The following TRIM2 variants were observed in gnomAD, a reference collection of about 807,000 sequenced individuals.
TRIM2 encodes the protein tripartite motif-containing protein 2.
A neutral mutation model predicts 75.2 loss-of-function variants in TRIM2; 20 were observed. The ratio of observed to expected loss-of-function variants is 0.27; its 90% CI spans 0.19 to 0.39. The LOEUF (loss-of-function observed/expected upper bound fraction) is 0.39, where lower values mean the gene tolerates loss of function less well. Among genes scored for constraint, TRIM2 ranks in the 10% least tolerant of loss-of-function variants. The probability of loss-of-function intolerance (pLI) is 1.00; values close to 1 mark genes in which losing one functional copy is unlikely to be tolerated. For synonymous variants in TRIM2, 373 were observed against 388.3 expected (o/e 0.96, Z 0.46); for missense variants, 660 against 990.8 (o/e 0.67, Z 4.48).
chr4:153,296,370 C>G (rs1762769166), intron 6 of TRIM2, among the ~76,000 whole-genome samples: 1 of 152,186 alleles, frequency 6.6e-6, no homozygotes, highest in Non-Finnish European at 1.5e-5. Context: ...CACCCGTAAT[C>G]TGAAAATCTT....
At chr4:153,334,621 G>T (rs1425480616) in intron 11 of TRIM2, among the ~76,000 whole-genome samples, 193 bp from the exon 12 acceptor site, 2 of 152,086 alleles carry the variant, frequency 1.3e-5, no homozygotes, top group Non-Finnish European at 2.9e-5. Flanking sequence ...CAGGAGAATC[G>T]CTTGAGCCTA....
chr4:153,271,522 ATTTGTTACTAGTAGTTGTGGCTTT>A (rs1756663239), intron 2 of TRIM2, among the ~76,000 whole-genome samples: 1 of 152,058 alleles, frequency 6.6e-6, no homozygotes, highest in Non-Finnish European at 1.5e-5. Flanking sequence ...GAGAAGGTAG[ATTTGTTACTAGTAGTTGTGGCTTT>A]TTTGTTTGTT....
intron 1 of TRIM2, among the ~76,000 whole-genome samples, chr4:153,228,046 C>G (rs370494518): frequency 6.6e-6 from 1 of 152,134 alleles, no homozygotes; most frequent in Admixed American, 6.5e-5. Context: ...ACCTCTTATG[C>G]GAAGTAAACA....
At position 153,320,350 on chromosome 4, in the gene TRIM2, C is replaced by G. The variant is rs77676380; in HGVS notation, c.1783-2298C>G. 3.0e-3 allele frequency among the ~76,000 whole-genome samples: 457 copies of G among 152,280 alleles called. 1 individual carries two copies. The highest frequency in any genetic ancestry group is 0.01 in the African/African-American group (430 of 41,548). On this transcript the variant is annotated intron_variant, in intron 8 of 11. Coordinates refer to ENST00000338700, the MANE Select transcript of TRIM2 (RefSeq NM_015271.5). The stretch of plus-strand genomic sequence containing the variant: ...AGGAGCATATAAAGTCTAAAGTCCC[C>G]ATCATGCAAAGTCCCATCCTGCTAC...
At chr4:153,229,592 T>C (rs1743069599) in intron 1 of TRIM2, among the ~76,000 whole-genome samples, 1 of 152,168 alleles carries the variant, frequency 6.6e-6, no homozygotes, top group Admixed American at 6.5e-5. Context: ...CTACTAGAAA[T>C]CAAATTCATT....
intron 1 of TRIM2, among the ~76,000 whole-genome samples, chr4:153,238,919 A>G (rs1465428303): frequency 2.0e-5 from 3 of 152,140 alleles, no homozygotes; most frequent in Non-Finnish European, 2.9e-5. Flanking sequence ...AATCCCCCCA[A>G]AATCATATGT....
At position 153,335,083 on chromosome 4, in the gene TRIM2, T is replaced by C; in HGVS notation, c.*117T>C. On this transcript the variant is annotated 3_prime_UTR_variant, in exon 12 of 12. Transcript: ENST00000338700. ...ATGCCAGAAGGAATCATTGGTGAAC[T>C]TTCCAAGGTTATTTCTGAATGTAAC... The C allele has an allele frequency of 6.0e-6, 8 of 1,330,212 alleles. No individual in the cohort carries two copies. Among genetic ancestry groups the C allele is most frequent in the Non-Finnish European group, 7.8e-6 (8 of 1,031,116 alleles). 82.4% of individuals were successfully genotyped at this position (1,330,212 alleles called of 1,614,324 possible). A position where few individuals can be genotyped will look rare whatever the true frequency, so the allele number is the denominator to read the frequency against.
At chr4:153,244,128 T>C (rs1046819380) in intron 1 of TRIM2, among the ~76,000 whole-genome samples, 1 of 145,556 alleles carries the variant, frequency 6.9e-6, no homozygotes, top group Non-Finnish European at 1.5e-5. Context: ...GCCATCTTCT[T>C]CTTCTTCTTC....
chr4:153,332,369 G>A (rs1771650772), intron 11 of TRIM2, among the ~76,000 whole-genome samples: 1 of 152,204 alleles, frequency 6.6e-6, no homozygotes, highest in African/African-American at 2.4e-5. Context: ...AGGCGGCTGG[G>A]TGCTGTGGCT....
At chr4:153,334,398 CT>C (rs1219568984) in intron 11 of TRIM2, among the ~76,000 whole-genome samples, 152 of 134,860 alleles carry the variant, frequency 1.1e-3, no homozygotes, top group African/African-American at 1.1e-3. Context: ...TTTTTTTCTG[CT>C]TTTTTTTTTT....
Position 153,204,499 on chromosome 4 carries a change from C to G in TRIM2, c.-32C>G, listed in dbSNP as rs1734839844. On this transcript the variant is annotated 5_prime_UTR_variant, in exon 1 of 12. Coordinates refer to ENST00000338700, the MANE Select transcript of TRIM2 (RefSeq NM_015271.5). The stretch of plus-strand genomic sequence containing the variant: ...TCTGCGGGCTGCGGGGAGCTAAGTC[C>G]CCAGATTGGAGGAGGCTGGCTCTGG... 2 of 1,551,620 alleles carry G rather than the reference C, an allele frequency of 1.3e-6. No individual in the cohort carries two copies. The highest frequency in any genetic ancestry group is 1.7e-6 in the Non-Finnish European group (2 of 1,146,982).
At chr4:153,280,091 C>G (rs1758939466) in intron 3 of TRIM2, among the ~76,000 whole-genome samples, 3 of 148,770 alleles carry the variant, frequency 2.0e-5, no homozygotes, top group African/African-American at 7.5e-5. Flanking sequence ...ACCCACCCCC[C>G]AAAAAAAGAA....
intron 6 of TRIM2, chr4:153,308,145 C>T: frequency 1.7e-6 from 2 of 1,172,788 alleles, no homozygotes; most frequent in Non-Finnish European, 2.6e-6. Flanking sequence ...AACTTCAGTT[C>T]CTTTCCTCTT....
At chr4:153,239,511 T>C (rs972103604) in intron 1 of TRIM2, among the ~76,000 whole-genome samples, 3 of 152,158 alleles carry the variant, frequency 2.0e-5, no homozygotes, top group African/African-American at 7.2e-5. Context: ...TTGTAAGTGT[T>C]AAAGAATGCA....
intron 1 of TRIM2, among the ~76,000 whole-genome samples, chr4:153,187,086 C>A (rs1220133028): frequency 1.3e-5 from 2 of 152,096 alleles, no homozygotes; most frequent in African/African-American, 4.8e-5. Flanking sequence ...GATCTATCAC[C>A]AGGTCGTACG....
intron 8 of TRIM2, among the ~76,000 whole-genome samples, chr4:153,316,721 CAA>C (rs1444550253): frequency 1.3e-5 from 2 of 152,016 alleles, no homozygotes; most frequent in African/African-American, 4.8e-5. Flanking sequence ...ACCTAATTGC[CAA>C]AGAGTAGAGA....
rs192709806 is a variant in TRIM2 at position 153,275,161 on chromosome 4, C to T, written c.216-732C>T. On this transcript the variant is annotated intron_variant, in intron 2 of 11. Transcript: ENST00000338700. ...TGGCCTGTCTCTGTCTGTTGCATCACGTGTCTCAAGGAATCATAACAGTAC... is the reference window on the plus strand; with the variant it reads ...TGGCCTGTCTCTGTCTGTTGCATCATGTGTCTCAAGGAATCATAACAGTAC... 4.6e-5 allele frequency among the ~76,000 whole-genome samples: 7 copies of T among 152,294 alleles called. No individual in the cohort carries two copies. In the East Asian group the frequency reaches 9.6e-4, roughly 21 times the overall value.
intron 1 of TRIM2, among the ~76,000 whole-genome samples, chr4:153,266,412 G>A (rs1162162365): frequency 3.4e-5 from 5 of 145,442 alleles, no homozygotes; most frequent in East Asian, 2.0e-4. Flanking sequence ...GCGTGATCTC[G>A]GCTCACTGCA....
At chr4:153,263,959 T>C (rs887717197) in intron 1 of TRIM2, among the ~76,000 whole-genome samples, 44 of 152,076 alleles carry the variant, frequency 2.9e-4, no homozygotes, top group South Asian at 2.1e-4. Context: ...TCCCATCACA[T>C]TGGGGGTTAG....
Sources: allele counts gnomAD v4.1 joint callset (sites outside exome capture counted in the v4.1 genomes callset), GRCh38; gene constraint gnomAD v4.1.1; transcripts MANE v1.5; gene names NCBI Gene and HGNC (gene_info 2026-07-23, HGNC 2026-07-21).